PJA2: variants seen among roughly 807,000 people sequenced by gnomAD.
The protein encoded by PJA2 is praja ring finger ubiquitin ligase 2, also known as E3 ubiquitin-protein ligase Praja-2.
In PJA2, 25 loss-of-function variants were observed where a neutral mutation model predicts 69.3. The observed-to-expected ratio is 0.36, with a 90% confidence interval of 0.26 to 0.50. The LOEUF is 0.50. Ranked by LOEUF, PJA2 falls within the 20% of genes least tolerant of loss-of-function variation. PJA2 has a pLI of 0.96. For synonymous variants in PJA2, 308 were observed against 277.8 expected (o/e 1.11, Z -1.08); for missense variants, 809 against 830.2 (o/e 0.97, Z 0.31).
chr5:109,342,949 A>G (rs370359716), intron 9 of PJA2, among the ~76,000 whole-genome samples: 17,608 of 36,472 alleles, frequency 0.48, 4,538 homozygotes, highest in Middle Eastern at 0.61. Context: ...CTGCCCGGCC[A>G]CCCCTACTGG....
At chr5:109,342,252 G>A (rs1160379356) in intron 9 of PJA2, among the ~76,000 whole-genome samples, 30 of 70,932 alleles carry the variant, frequency 4.2e-4, no homozygotes, top group African/African-American at 8.1e-4. Flanking sequence ...GGTGAGGGGC[G>A]CCTCTGCCCG....
intron 1 of PJA2, among the ~76,000 whole-genome samples, chr5:109,388,284 CATGGATGAGCAACCTGGAAAGGGTA>C (rs1483960323): frequency 6.6e-6 from 1 of 152,188 alleles, no homozygotes; most frequent in Non-Finnish European, 1.5e-5. Context: ...GCAACAGCCA[CATGGATGAGCAACCTGGAAAGGGTA>C]ATGCCCTAGT....
chr5:109,351,666 C>T (rs569637515), intron 7 of PJA2, among the ~76,000 whole-genome samples: 1 of 151,948 alleles, frequency 6.6e-6, no homozygotes, highest in South Asian at 2.1e-4. Context: ...AAATTAGAGA[C>T]ACAGATATAA....
intron 1 of PJA2, among the ~76,000 whole-genome samples, chr5:109,394,278 C>G (rs1166840379): frequency 6.6e-6 from 1 of 151,878 alleles, no homozygotes; most frequent in South Asian, 2.1e-4. Context: ...AAACTCCTGA[C>G]CTTAAGTGAT....
chr5:109,369,924 T>C (rs979280708), intron 4 of PJA2, among the ~76,000 whole-genome samples: 2 of 149,680 alleles, frequency 1.3e-5, no homozygotes, highest in Non-Finnish European at 3.0e-5. Flanking sequence ...CCCAGCTACT[T>C]GGGAGGCTGA....
chr5:109,351,106 A>G (rs1399707581), intron 7 of PJA2, among the ~76,000 whole-genome samples: 1 of 140,328 alleles, frequency 7.1e-6, no homozygotes, highest in Non-Finnish European at 1.6e-5. Flanking sequence ...GTGGCTTCCA[A>G]TCCTTTGCTT....
At chr5:109,385,618 G>T (rs1747140370) in intron 1 of PJA2, among the ~76,000 whole-genome samples, 1 of 152,158 alleles carries the variant, frequency 6.6e-6, no homozygotes, top group African/African-American at 2.4e-5. Flanking sequence ...AGTATAATTT[G>T]GGAGTTGTCA....
rs940461014 is a variant in PJA2, at chr5:109,335,668, A to C, written c.*1563T>G. 6.6e-6 allele frequency: 1 copy of C among 152,342 alleles called. No individual in the cohort carries two copies. Among genetic ancestry groups the C allele is most frequent in the African/African-American group, 2.4e-5 (1 of 41,458 alleles). The allele number at this position is 152,342 out of a possible 1,614,324, so 9.4% of individuals were successfully genotyped here. A position where few individuals can be genotyped will look rare whatever the true frequency, so the allele number is the denominator to read the frequency against. ...CCTTGACACTAACTGATCATTAATG[A>C]AATATGATATGGAAAGATCACAGAG... is the stretch of plus-strand genomic sequence containing the variant. On this transcript the variant is annotated 3_prime_UTR_variant, in exon 10 of 10. Coordinates refer to ENST00000361189, the MANE Select transcript of PJA2 (RefSeq NM_014819.5).
rs748300909 is a variant in PJA2, at chr5:109,379,090, C to T, written c.397G>A (p.Gly133Arg). ...HHSEEGRDTLGSSTNLHNHSE... is the reference protein window; with the variant it reads ...HHSEEGRDTLRSSTNLHNHSE... ...TGATTATGAAGATTTGTACTGCTTC[C>T]TAAGGTATCCCTGCCTTCCTCACTG... Residue 133 changes from glycine to arginine, a missense_variant, in exon 4 of 10, where the codon GGA (glycine) becomes AGA (arginine). Transcript: ENST00000361189. 3 of 1,613,992 alleles carry T rather than the reference C, an allele frequency of 1.9e-6. No homozygotes were observed. Among genetic ancestry groups the T allele is most frequent in the Non-Finnish European group, 2.5e-6 (3 of 1,179,988 alleles).
intron 1 of PJA2, among the ~76,000 whole-genome samples, chr5:109,396,860 A>G (rs1747428057): frequency 6.6e-6 from 1 of 152,134 alleles, no homozygotes; most frequent in African/African-American, 2.4e-5. Context: ...AGTAAAACTA[A>G]AAGTCTACTA....
In PJA2 at chr5:109,337,008, AACT is replaced by A. The variant is rs1419258131; in HGVS notation, c.*220_*222del. On this transcript the variant is annotated 3_prime_UTR_variant, in exon 10 of 10. Coordinates refer to ENST00000361189, the MANE Select transcript of PJA2 (RefSeq NM_014819.5). ...CTTTACAATTAATACAAACATATTCAACTAAAGAAAATGGATGCACTGTCTCAA... is the reference window on the plus strand; with the variant it reads ...CTTTACAATTAATACAAACATATTCAAAAGAAAATGGATGCACTGTCTCAA... The A allele has an allele frequency of 1.1e-5, 3 of 265,200 alleles. No individual in the cohort carries two copies. Among genetic ancestry groups the A allele is most frequent in the African/African-American group, 6.8e-5 (3 of 44,150 alleles). 16.4% of individuals were successfully genotyped at this position (265,200 alleles called of 1,614,324 possible).
At chr5:109,380,803 T>TA (rs1747025101) in intron 3 of PJA2, among the ~76,000 whole-genome samples, 2 of 30,326 alleles carry the variant, frequency 6.6e-5, no homozygotes, top group Admixed American at 4.6e-4. Context: ...AGATTCCATC[T>TA]CAAAAAAAAA....
intron 7 of PJA2, among the ~76,000 whole-genome samples, chr5:109,349,544 A>AGTTAGAAAC (rs1762217355): frequency 6.6e-6 from 1 of 152,154 alleles, no homozygotes; most frequent in Non-Finnish European, 1.5e-5. Context: ...GCAGTACAGC[A>AGTTAGAAAC]CTTCCAGTTA....
At chr5:109,394,031 C>A (rs945715128) in intron 1 of PJA2, among the ~76,000 whole-genome samples, 11 of 137,486 alleles carry the variant, frequency 8.0e-5, no homozygotes, top group Admixed American at 7.4e-4. Context: ...TAGTAACATT[C>A]TAATTCTCTT....
intron 9 of PJA2, among the ~76,000 whole-genome samples, chr5:109,342,657 TG>T (rs1762096141): frequency 1.3e-5 from 1 of 74,602 alleles, no homozygotes; most frequent in African/African-American, 6.1e-5. Context: ...GAGGTGGGGG[TG>T]TCAGCCCCCC....
intron 7 of PJA2, among the ~76,000 whole-genome samples, chr5:109,353,464 T>C (rs1360323013): frequency 8.7e-6 from 1 of 114,710 alleles, no homozygotes; most frequent in East Asian, 2.1e-4. Context: ...ATTAGATACC[T>C]ATATCTATAG....
At chr5:109,368,321 T>C (rs185795697) in intron 5 of PJA2, among the ~76,000 whole-genome samples, 30 of 152,334 alleles carry the variant, frequency 2.0e-4, no homozygotes, top group African/African-American at 7.0e-4. Context: ...GGTGCCCAAC[T>C]TTTCTTATTA....
intron 1 of PJA2, among the ~76,000 whole-genome samples, chr5:109,383,829 T>C (rs931477096): frequency 2.0e-5 from 3 of 151,980 alleles, no homozygotes; most frequent in African/African-American, 4.8e-5. Flanking sequence ...CAGGAGGCTG[T>C]GGTGGGAGGA....
chr5:109,344,389 T>C (rs559518769), intron 8 of PJA2, 78 bp from the exon 9 acceptor site: 16 of 1,427,462 alleles, frequency 1.1e-5, no homozygotes, highest in South Asian at 9.0e-5. Context: ...ATTATACTCA[T>C]AGAAGATACC....
Sources: allele counts gnomAD v4.1 joint callset (sites outside exome capture counted in the v4.1 genomes callset), GRCh38; gene constraint gnomAD v4.1.1; transcripts MANE v1.5; gene names NCBI Gene and HGNC (gene_info 2026-07-23, HGNC 2026-07-21).